Variants in RSF1 observed in about 807,000 individuals in gnomAD.
The protein encoded by RSF1 is HBV pX-associated protein 8.
In RSF1, 13 loss-of-function variants were observed where a neutral mutation model predicts 145.2. That is an observed-to-expected ratio of 0.09 (90% CI 0.06 to 0.14). The LOEUF (loss-of-function observed/expected upper bound fraction) is 0.14. RSF1 is among the 10% of genes least tolerant of loss of function. RSF1 has a pLI of 1.00. For synonymous variants in RSF1, 577 were observed against 592.6 expected (o/e 0.97, Z 0.38); for missense variants, 1,517 against 1,718.2 (o/e 0.88, Z 2.07).
At chr11:77,810,781 G>C (rs367668449) in intron 1 of RSF1, among the ~76,000 whole-genome samples, 1 of 152,118 alleles carries the variant, frequency 6.6e-6, no homozygotes, top group Non-Finnish European at 1.5e-5. Context: ...CTGGAAATTT[G>C]TATTATACTG....
At chr11:77,757,817 C>T (rs1199197399) in intron 2 of RSF1, among the ~76,000 whole-genome samples, 1 of 152,156 alleles carries the variant, frequency 6.6e-6, no homozygotes, top group Non-Finnish European at 1.5e-5. Context: ...GCTTGAGCTA[C>T]GCTGTGGCAG....
chr11:77,862,537 T>C, the RSF1 span, among the ~76,000 whole-genome samples: 2 of 152,186 alleles, frequency 1.3e-5, no homozygotes, highest in African/African-American at 4.8e-5. Context: ...CTTTGGTTCA[T>C]TGTTTACCCC....
the RSF1 span, among the ~76,000 whole-genome samples, chr11:77,832,659 A>T: frequency 2.0e-5 from 3 of 151,124 alleles, no homozygotes; most frequent in African/African-American, 7.3e-5. Context: ...CTTCAAATGT[A>T]TTTCCAGTAT....
rs751083018 is a variant in RSF1, at chr11:77,782,864, T to A, written c.188-18175A>T. Among the ~76,000 whole-genome samples, 265 of 152,326 alleles carry A rather than the reference T, an allele frequency of 1.7e-3. 3 individuals carry two copies. The highest frequency in any genetic ancestry group is 1.7e-3 in the Non-Finnish European group (119 of 68,022). On this transcript the variant is annotated intron_variant, in intron 1 of 15. Coordinates refer to ENST00000308488, the MANE Select transcript of RSF1 (RefSeq NM_016578.4). ...ATTAAAATATTCTTTAATGTCTGAC[T>A]CTTTACAGAAAAACTTGGCTAACCC... is the stretch of plus-strand genomic sequence containing the variant.
At chr11:77,749,129 T>C (rs1480268279) in intron 2 of RSF1, among the ~76,000 whole-genome samples, 1 of 152,220 alleles carries the variant, frequency 6.6e-6, no homozygotes, top group Non-Finnish European at 1.5e-5. Flanking sequence ...AAAAGTAGAT[T>C]AGCAGTTCCC....
chr11:77,848,467 C>T, the RSF1 span, among the ~76,000 whole-genome samples: 1 of 151,818 alleles, frequency 6.6e-6, no homozygotes, highest in Non-Finnish European at 1.5e-5. Context: ...AAGCGATTCT[C>T]CTACCTCAGC....
chr11:77,833,575 C>T, the RSF1 span, among the ~76,000 whole-genome samples: 1 of 152,298 alleles, frequency 6.6e-6, no homozygotes, highest in South Asian at 2.1e-4. Context: ...TGTTGTGCAG[C>T]CCAGTTCCTA....
intron 9 of RSF1, among the ~76,000 whole-genome samples, chr11:77,685,456 C>G (rs1158045909): frequency 1.3e-5 from 2 of 152,108 alleles, no homozygotes; most frequent in Non-Finnish European, 2.9e-5. Context: ...CCACCACAAC[C>G]AGCTAATTTT....
the RSF1 span, among the ~76,000 whole-genome samples, chr11:77,833,225 GTTTATT>G: frequency 1.3e-5 from 2 of 151,456 alleles, no homozygotes; most frequent in South Asian, 4.2e-4. Context: ...TGGCCAGGCT[GTTTATT>G]TTTATTATTA....
chr11:77,675,700 A>G (rs1043497452), intron 13 of RSF1, among the ~76,000 whole-genome samples: 1 of 152,164 alleles, frequency 6.6e-6, no homozygotes. Context: ...CTCTTAAAAG[A>G]TAATCTCTCA....
At chr11:77,830,662 G>T in the RSF1 span, among the ~76,000 whole-genome samples, 4 of 151,976 alleles carry the variant, frequency 2.6e-5, no homozygotes, top group Admixed American at 2.6e-4. Flanking sequence ...ATAGGTCCGT[G>T]TGGGTTACAC....
intron 1 of RSF1, among the ~76,000 whole-genome samples, chr11:77,801,138 A>C (rs1173640088): frequency 6.6e-6 from 1 of 152,198 alleles, no homozygotes; most frequent in Admixed American, 6.5e-5. Flanking sequence ...ATAAGAATAC[A>C]TGGTTGGGGC....
intron 1 of RSF1, among the ~76,000 whole-genome samples, chr11:77,811,463 T>C (rs975454521): frequency 4.6e-5 from 7 of 152,160 alleles, no homozygotes; most frequent in Non-Finnish European, 5.9e-5. Flanking sequence ...ATCTACAAAG[T>C]GTACGTGCAG....
intron 4 of RSF1, chr11:77,734,725 A>G (rs575295570): frequency 2.7e-6 from 4 of 1,461,964 alleles, no homozygotes; most frequent in Non-Finnish European, 2.8e-6. Context: ...TGCACACTCC[A>G]TCACATTCAG....
At chr11:77,801,291 G>C (rs921794558) in intron 1 of RSF1, among the ~76,000 whole-genome samples, 1 of 152,124 alleles carries the variant, frequency 6.6e-6, no homozygotes. Context: ...AGCCGGGTGT[G>C]GTGGCACATG....
chr11:77,809,453 A>C (rs1014736635), intron 1 of RSF1, among the ~76,000 whole-genome samples: 2 of 152,188 alleles, frequency 1.3e-5, no homozygotes, highest in African/African-American at 4.8e-5. Flanking sequence ...AAATACAGGA[A>C]AATAGGACAC....
the RSF1 span, among the ~76,000 whole-genome samples, chr11:77,870,329 ATTTTTTTTTTT>A: frequency 2.3e-5 from 2 of 87,982 alleles, no homozygotes; most frequent in African/African-American, 9.8e-5. Flanking sequence ...CTATTTTTTA[ATTTTTTTTTTT>A]TTTTTTTTTT....
At chr11:77,673,848 A>T (rs1360380241) in intron 14 of RSF1, among the ~76,000 whole-genome samples, 2 of 152,204 alleles carry the variant, frequency 1.3e-5, no homozygotes, top group Admixed American at 1.3e-4. Context: ...CAAAACTGGG[A>T]AACATCTACA....
At chr11:77,869,408 G>T in the RSF1 span, among the ~76,000 whole-genome samples, 1 of 148,104 alleles carries the variant, frequency 6.8e-6, no homozygotes, top group East Asian at 2.0e-4. Flanking sequence ...GACCTCCCAG[G>T]CCCAAGCAAT....
Sources: allele counts gnomAD v4.1 joint callset (sites outside exome capture counted in the v4.1 genomes callset), GRCh38; gene constraint gnomAD v4.1.1; transcripts MANE v1.5; gene names NCBI Gene and HGNC (gene_info 2026-07-23, HGNC 2026-07-21).